NDFIP2: variants seen among roughly 807,000 people sequenced by gnomAD.
NDFIP2 encodes Nedd4 family interacting protein 2, also known as NEDD4 family-interacting protein 2.
Under a neutral mutation model 36.0 loss-of-function variants are expected in NDFIP2, and 19 were observed. That is an observed-to-expected ratio of 0.53 (90% CI 0.37 to 0.77). The LOEUF (loss-of-function observed/expected upper bound fraction) is 0.77. Among genes scored for constraint, NDFIP2 ranks in the 30% least tolerant of loss-of-function variants. The pLI, the probability that NDFIP2 is intolerant of heterozygous loss-of-function variation, is 0.00. For missense variants in NDFIP2, 446 were observed against 435.8 expected, an observed-to-expected ratio of 1.02 and a Z score of -0.21; for synonymous variants, 181 against 167.7, an observed-to-expected ratio of 1.08 and a Z score of -0.61.
At chr13:79,527,323 G>T (rs1874840930) in intron 2 of NDFIP2, among the ~76,000 whole-genome samples, 1 of 152,088 alleles carries the variant, frequency 6.6e-6, no homozygotes, top group African/African-American at 2.4e-5. Context: ...TTAAAAAGTA[G>T]AATATAAAAT....
intron 2 of NDFIP2, among the ~76,000 whole-genome samples, chr13:79,524,300 C>G (rs1473908009): frequency 1.3e-5 from 2 of 152,178 alleles, no homozygotes; most frequent in African/African-American, 4.8e-5. Flanking sequence ...CCCCAAGAAG[C>G]CTTTAAAATC....
chr13:79,517,420 A>G (rs1444289043), intron 1 of NDFIP2, among the ~76,000 whole-genome samples: 1 of 152,248 alleles, frequency 6.6e-6, no homozygotes, highest in African/African-American at 2.4e-5. Flanking sequence ...ATTCTCAAGT[A>G]GAATTGTCTA....
chr13:79,491,995 A>T (rs1467975243), intron 1 of NDFIP2, among the ~76,000 whole-genome samples: 1 of 152,216 alleles, frequency 6.6e-6, no homozygotes, highest in African/African-American at 2.4e-5. Flanking sequence ...TTGTTTGAAC[A>T]TGTACAGTTT....
intron 3 of NDFIP2, 44 bp downstream of exon 3, chr13:79,533,500 AATTG>A (rs1402099292): frequency 6.6e-7 from 1 of 1,524,234 alleles, no homozygotes. Context: ...TATTTTCGTT[AATTG>A]ATATATACAT....
chr13:79,549,247 A>G (rs961926904), intron 6 of NDFIP2, among the ~76,000 whole-genome samples: 1 of 151,910 alleles, frequency 6.6e-6, no homozygotes, highest in Non-Finnish European at 1.5e-5. Context: ...AAATTATTTT[A>G]GTGTTGTGAC....
At chr13:79,539,548 G>A in intron 3 of NDFIP2, 134 bp from the exon 4 acceptor site, 1 of 639,722 alleles carries the variant, frequency 1.6e-6, no homozygotes, top group Admixed American at 2.7e-5. Context: ...CTCTGTGCCA[G>A]ACATTGTACT....
At chr13:79,535,521 G>A (rs1296855515) in intron 3 of NDFIP2, among the ~76,000 whole-genome samples, 1 of 152,140 alleles carries the variant, frequency 6.6e-6, no homozygotes, top group Non-Finnish European at 1.5e-5. Flanking sequence ...GTTTTTACCT[G>A]CTTCTGATAT....
At chr13:79,535,405 T>A (rs1348519226) in intron 3 of NDFIP2, among the ~76,000 whole-genome samples, 2 of 152,194 alleles carry the variant, frequency 1.3e-5, no homozygotes, top group African/African-American at 2.4e-5. Flanking sequence ...AAGTCTGAAG[T>A]ATTACTGTTC....
chr13:79,554,329 T>C lies in NDFIP2; in HGVS notation c.*1816T>C, dbSNP rs921949288. ...GGATCTCTTTCATATTAATTTCTTA[T>C]AGACCTGTACTTTATTCTTTCAATA... On this transcript the variant is annotated 3_prime_UTR_variant, in exon 8 of 8. Coordinates refer to ENST00000218652, the MANE Select transcript of NDFIP2 (RefSeq NM_019080.3). The C allele has an allele frequency of 1.3e-5, 2 of 151,834 alleles. No individual in the cohort carries two copies. The highest frequency in any genetic ancestry group is 3.0e-5 in the Non-Finnish European group (2 of 67,750). The allele number at this position is 151,834 out of a possible 1,614,324, so 9.4% of individuals were successfully genotyped here. A position where few individuals can be genotyped will look rare whatever the true frequency, so the allele number is the denominator to read the frequency against.
chr13:79,525,644 G>A (rs991936422), intron 2 of NDFIP2, among the ~76,000 whole-genome samples: 38 of 152,162 alleles, frequency 2.5e-4, no homozygotes, highest in African/African-American at 9.2e-4. Context: ...TGTTGACAGC[G>A]TGTATACACT....
intron 5 of NDFIP2, among the ~76,000 whole-genome samples, chr13:79,544,898 G>C (rs1875604638): frequency 6.6e-6 from 1 of 151,980 alleles, no homozygotes; most frequent in South Asian, 2.1e-4. Context: ...CCTATGGACT[G>C]GTTTCTTCTA....
intron 2 of NDFIP2, among the ~76,000 whole-genome samples, chr13:79,532,746 A>G (rs991330659): frequency 6.6e-6 from 1 of 152,142 alleles, no homozygotes; most frequent in East Asian, 1.9e-4. Context: ...CAAGATGTGT[A>G]AAAAAATTAC....
chr13:79,487,648 C>T (rs1206959869), intron 1 of NDFIP2, among the ~76,000 whole-genome samples: 2 of 152,134 alleles, frequency 1.3e-5, no homozygotes. Flanking sequence ...TGCCATTTTA[C>T]ACTTCCACCA....
rs1176917367 is a variant in NDFIP2 at position 79,553,970 on chromosome 13, A to G, written c.*1457A>G. 6.6e-6 allele frequency: 1 copy of G among 151,720 alleles called. No homozygotes were observed. The highest frequency in any genetic ancestry group is 6.6e-5 in the Admixed American group (1 of 15,212). The allele number at this position is 151,720 out of a possible 1,614,324, so 9.4% of individuals were successfully genotyped here. On this transcript the variant is annotated 3_prime_UTR_variant, in exon 8 of 8. Coordinates refer to ENST00000218652, the MANE Select transcript of NDFIP2 (RefSeq NM_019080.3). ...GACATTACTACTAAAAGGTACATCT[A>G]ACTATTCAGGGACATTTTTCCATTT...
Position 79,535,188 on chromosome 13 carries a change from A to G in NDFIP2, c.621+1732A>G, listed in dbSNP as rs556738489. On this transcript the variant is annotated intron_variant, in intron 3 of 7. Coordinates refer to ENST00000218652, the MANE Select transcript of NDFIP2 (RefSeq NM_019080.3). ...ACATGCACATCTCTCAGTGAAGTAGATTGATTCCTCTCTAGCTATGAAAGT... is the reference window on the plus strand; with the variant it reads ...ACATGCACATCTCTCAGTGAAGTAGGTTGATTCCTCTCTAGCTATGAAAGT... 7.7e-4 allele frequency among the ~76,000 whole-genome samples: 117 copies of G among 152,304 alleles called. 1 individual carries two copies. The highest frequency in any genetic ancestry group is 2.7e-3 in the African/African-American group (111 of 41,556).
At chr13:79,495,398 A>C (rs915643959) in intron 1 of NDFIP2, among the ~76,000 whole-genome samples, 1 of 151,944 alleles carries the variant, frequency 6.6e-6, no homozygotes, top group Non-Finnish European at 1.5e-5. Context: ...GTCCCACTTT[A>C]TCTCTGATAG....
At position 79,481,387 on chromosome 13, in the gene NDFIP2, AG is replaced by A; in HGVS notation, c.188del (p.Gly63AlafsTer58). 6.4e-7 allele frequency: 1 copy of A among 1,554,644 alleles called. No individual in the cohort carries two copies. Among genetic ancestry groups the A allele is most frequent in the African/African-American group, 1.4e-5 (1 of 73,664 alleles). ...GDRGCRNGGG[R>X]GPAATTSSTG... Reference sequence around the variant, plus strand: ...CCGCGGCTGCAGGAACGGAGGCGGAAGGGGCCCTGCGGCGACGACGTCGTCG... The same window carrying A: ...CCGCGGCTGCAGGAACGGAGGCGGAAGGGCCCTGCGGCGACGACGTCGTCG... On this transcript the variant is annotated frameshift_variant, in exon 1 of 8. Transcript: ENST00000218652. LOFTEE classifies it high-confidence loss of function.
chr13:79,539,724 G>A lies in NDFIP2; in HGVS notation c.664G>A (p.Ala222Thr). Residue 222 changes from alanine (A) to threonine (T), a missense_variant, in exon 4 of 8, where the codon GCA (alanine) becomes ACA (threonine). Ala to Thr is a moderately conservative substitution (Grantham distance 58). Around this residue, in one of 2 missense-constraint regions of NDFIP2, gnomAD observed 369 missense variants for 304.8 expected, o/e 1.21. Coordinates refer to ENST00000218652, the MANE Select transcript of NDFIP2 (RefSeq NM_019080.3). ...ECPPRDDFSD[A>T]DQLRVGNDGI... is the part of the protein sequence containing the mutation. ...TCCACCAAGAGATGACTTCAGTGAT[G>A]CAGACCAGCTCAGAGTGGGGAATGA... is the stretch of plus-strand genomic sequence containing the variant. 6.2e-7 allele frequency: 1 copy of A among 1,613,798 alleles called. No individual in the cohort carries two copies. Among genetic ancestry groups the A allele is most frequent in the South Asian group, 1.1e-5 (1 of 91,058 alleles).
chr13:79,485,973 C>T (rs1872967529), intron 1 of NDFIP2, among the ~76,000 whole-genome samples: 1 of 152,092 alleles, frequency 6.6e-6, no homozygotes, highest in Non-Finnish European at 1.5e-5. Context: ...ATTCCTAATC[C>T]AAAAACCCGA....
Sources: gnomAD v4.1 joint callset for allele counts (sites outside exome capture counted in the v4.1 genomes callset) on GRCh38, gnomAD v4.1.1 for gene constraint, gnomAD v4.1.1 regional missense constraint, MANE v1.5 for transcripts, NCBI Gene and HGNC (gene_info 2026-07-23, HGNC 2026-07-21) for gene names.